Variants in POMC observed in about 807,000 individuals in gnomAD.
POMC encodes the protein proopiomelanocortin.
Under a neutral mutation model 18.5 loss-of-function variants are expected in POMC, and 19 were observed. The ratio of observed to expected loss-of-function variants is 1.03; its 90% confidence interval spans 0.72 to 1.51. The LOEUF is 1.51. Ranked by LOEUF, POMC falls within the 40% of genes most tolerant of loss-of-function variation. The pLI, the probability that POMC is intolerant of heterozygous loss-of-function variation, is 0.00. For missense variants in POMC, 451 were observed against 379.0 expected, an observed-to-expected ratio of 1.19 and a Z score of -1.58; for synonymous variants, 179 against 161.9, an observed-to-expected ratio of 1.11 and a Z score of -0.80.
In POMC at chr2:25,161,882, G is replaced by A; in HGVS notation, c.133-130C>T. ...GAGGACACAGGGCACAGTGTCGGGC[G>A]TGTCAAGCGTCGAGGCCTCCCTACA... On this transcript the variant is annotated intron_variant, in intron 2 of 2. Transcript: ENST00000395826. The surrounding 1 kb of genome is among the most constrained non-coding windows in gnomAD (Gnocchi z 5.7). 2 of 1,411,670 alleles carry A rather than the reference G, an allele frequency of 1.4e-6. No homozygotes were observed. The highest frequency in any genetic ancestry group is 2.6e-4 in the Middle Eastern group (1 of 3,834). 87.4% of individuals were successfully genotyped at this position (1,411,670 alleles called of 1,614,324 possible). A position where few individuals can be genotyped will look rare whatever the true frequency, so the allele number is the denominator to read the frequency against.
Position 25,161,888 on chromosome 2 carries a change from A to C in POMC, c.133-136T>G. On this transcript the variant is annotated intron_variant, in intron 2 of 2. Transcript: ENST00000395826. This position sits in a 1 kb window ranked among gnomAD's most constrained non-coding sequence, Gnocchi z 5.7. Reference sequence around the variant, plus strand: ...ACAGGGCACAGTGTCGGGCGTGTCAAGCGTCGAGGCCTCCCTACAGAGCAG... The same window carrying C: ...ACAGGGCACAGTGTCGGGCGTGTCACGCGTCGAGGCCTCCCTACAGAGCAG... The C allele has an allele frequency of 7.1e-7, 1 of 1,401,394 alleles. No individual in the cohort carries two copies. The highest frequency in any genetic ancestry group is 1.5e-5 in the South Asian group (1 of 66,652). 86.8% of individuals were successfully genotyped at this position (1,401,394 alleles called of 1,614,324 possible).
At chr2:25,167,282 C>A (rs553859301) in intron 1 of POMC, among the ~76,000 whole-genome samples, 43 of 152,088 alleles carry the variant, frequency 2.8e-4, no homozygotes, top group South Asian at 2.7e-3. Flanking sequence ...GACACACACA[C>A]AAAAAAAATC....
At position 25,161,894 on chromosome 2, in the gene POMC, G is replaced by A. The variant is rs1671404636; in HGVS notation, c.133-142C>T. On this transcript the variant is annotated intron_variant, in intron 2 of 2. Transcript: ENST00000395826. This position sits in a 1 kb window ranked among gnomAD's most constrained non-coding sequence, Gnocchi z 5.7. ...CACAGTGTCGGGCGTGTCAAGCGTC[G>A]AGGCCTCCCTACAGAGCAGGTCTGC... is the stretch of plus-strand genomic sequence containing the variant. 4 of 1,383,348 alleles carry A rather than the reference G, an allele frequency of 2.9e-6. No individual in the cohort carries two copies. The highest frequency in any genetic ancestry group is 3.8e-6 in the Non-Finnish European group (4 of 1,057,658). The allele number at this position is 1,383,348 out of a possible 1,614,324, so 85.7% of individuals were successfully genotyped here. A position where few individuals can be genotyped will look rare whatever the true frequency, so the allele number is the denominator to read the frequency against.
Position 25,160,998 on chromosome 2 carries a change from G to A in POMC, c.*83C>T. The A allele has an allele frequency of 6.3e-7, 1 of 1,583,854 alleles. No homozygotes were observed. On this transcript the variant is annotated 3_prime_UTR_variant, in exon 3 of 3. Coordinates refer to ENST00000395826, the MANE Select transcript of POMC (RefSeq NM_000939.4). ...TATCTGCCACGACCCCCCAGGCTGGGAGGCGGCAGCAGGGCAGGGGAGAGC... is the reference window on the plus strand; with the variant it reads ...TATCTGCCACGACCCCCCAGGCTGGAAGGCGGCAGCAGGGCAGGGGAGAGC...
chr2:25,161,719 C>T lies in POMC; in HGVS notation c.166G>A (p.Ala56Thr), dbSNP rs1671392432. 1.3e-6 allele frequency: 2 copies of T among 1,593,360 alleles called. No individual in the cohort carries two copies. Among genetic ancestry groups the T allele is most frequent in the Non-Finnish European group, 1.7e-6 (2 of 1,171,052 alleles). The change falls in exon 3 of 3, where the codon GCC becomes ACC. Residue 56 changes from alanine (A) to threonine (T), a missense_variant. Transcript: ENST00000395826. This position sits in a 1 kb window ranked among gnomAD's most constrained non-coding sequence, Gnocchi z 5.7. ...CIRACKPDLS[A>T]ETPMFPGNGD... is the part of the protein sequence containing the mutation. ...TTTCCCGGGAACATGGGAGTCTCGG[C>T]CGAGAGGTCGGGCTTGCAGGCCCGG...
chr2:25,162,428 G>A (rs947453462), intron 2 of POMC, among the ~76,000 whole-genome samples: 4 of 152,050 alleles, frequency 2.6e-5, no homozygotes, highest in Non-Finnish European at 2.9e-5. Context: ...CCACACTCCA[G>A]CCAGGGCAAC....
At position 25,161,309 on chromosome 2, in the gene POMC, G is replaced by T; in HGVS notation, c.576C>A (p.Asp192Glu). ...CCCCTGCGCCGTCATCGGCAGGGCCGTCGGGGCCATCTCCCTCCCGGAGTC... is the reference window on the plus strand; with the variant it reads ...CCCCTGCGCCGTCATCGGCAGGGCCTTCGGGGCCATCTCCCTCCCGGAGTC... ...GQRLREGDGP[D>E]GPADDGAGAQ... The change falls in exon 3 of 3, where the codon GAC becomes GAA. Residue 192 changes from aspartate (D) to glutamate (E), a missense_variant. Physicochemically the swap from Asp to Glu is conservative, Grantham distance 45 (BLOSUM62 2). Coordinates refer to ENST00000395826, the MANE Select transcript of POMC (RefSeq NM_000939.4). The surrounding 1 kb of genome is among the most constrained non-coding windows in gnomAD (Gnocchi z 5.7). The T allele has an allele frequency of 6.2e-7, 1 of 1,608,754 alleles. No homozygotes were observed. Among genetic ancestry groups the T allele is most frequent in the Non-Finnish European group, 8.5e-7 (1 of 1,177,998 alleles).
In POMC at chr2:25,161,276, G is replaced by C; in HGVS notation, c.609C>G (p.Ala203=). 6.2e-7 allele frequency: 1 copy of C among 1,611,426 alleles called. No individual in the cohort carries two copies. The highest frequency in any genetic ancestry group is 8.5e-7 in the Non-Finnish European group (1 of 1,178,830). ...GPADDGAGAQ[A]DLEHSLLVAA... is the part of the protein sequence containing the mutation. ...CCACCAGCAGGCTGTGCTCCAGGTCGGCCTGGGCCCCTGCGCCGTCATCGG... is the reference window on the plus strand; with the variant it reads ...CCACCAGCAGGCTGTGCTCCAGGTCCGCCTGGGCCCCTGCGCCGTCATCGG... Residue 203 remains alanine (A), a synonymous_variant, in exon 3 of 3, where the codon GCC becomes GCG. Transcript: ENST00000395826. The surrounding 1 kb of genome is among the most constrained non-coding windows in gnomAD (Gnocchi z 5.7).
chr2:25,163,777 C>T (rs372351095), intron 2 of POMC, among the ~76,000 whole-genome samples: 19 of 152,318 alleles, frequency 1.2e-4, no homozygotes, highest in African/African-American at 4.3e-4. Flanking sequence ...GCACATGCCA[C>T]CACATCTGGC....
In POMC at chr2:25,161,324, C is replaced by T. The variant is rs1403150875; in HGVS notation, c.561G>A (p.Glu187=). Residue 187 remains glutamate, a synonymous_variant, in exon 3 of 3, where the codon GAG becomes GAA. Transcript: ENST00000395826. This position sits in a 1 kb window ranked among gnomAD's most constrained non-coding sequence, Gnocchi z 5.7. Reference sequence around the variant, plus strand: ...CGGCAGGGCCGTCGGGGCCATCTCCCTCCCGGAGTCGCTGGCCAGTCAGCT... The same window carrying T: ...CGGCAGGGCCGTCGGGGCCATCTCCTTCCCGGAGTCGCTGGCCAGTCAGCT... ...KRELTGQRLR[E]GDGPDGPADD... is the part of the protein sequence containing the mutation. 1.2e-6 allele frequency: 2 copies of T among 1,606,948 alleles called. No individual in the cohort carries two copies. Among genetic ancestry groups the T allele is most frequent in the South Asian group, 1.1e-5 (1 of 89,864 alleles).
intron 2 of POMC, among the ~76,000 whole-genome samples, chr2:25,164,390 T>A (rs1671486020): frequency 6.6e-6 from 1 of 152,130 alleles, no homozygotes; most frequent in Non-Finnish European, 1.5e-5. Flanking sequence ...AAGGTCTCCA[T>A]AAAAGATGGG....
intron 1 of POMC, among the ~76,000 whole-genome samples, chr2:25,165,190 A>G (rs1671514975): frequency 6.6e-6 from 1 of 152,202 alleles, no homozygotes; most frequent in African/African-American, 2.4e-5. Flanking sequence ...TTCCTATTTC[A>G]CTACATTAAG....
In POMC at chr2:25,164,752, G is replaced by A. The variant is rs1315230964; in HGVS notation, c.21C>T (p.Ser7=). MPRSCC[S]RSGALLLALL... ...AGGCCAGCAACAGGGCCCCCGAGCGGCTGCAGCACGATCTCGGCATCTTCC... is the reference window on the plus strand; with the variant it reads ...AGGCCAGCAACAGGGCCCCCGAGCGACTGCAGCACGATCTCGGCATCTTCC... The change falls in exon 2 of 3, where the codon AGC becomes AGT. Residue 7 remains serine (S), a synonymous_variant. Transcript: ENST00000395826. 2.5e-6 allele frequency: 4 copies of A among 1,613,930 alleles called. No individual in the cohort carries two copies. Among genetic ancestry groups the A allele is most frequent in the Admixed American group, 1.7e-5 (1 of 60,004 alleles).
intron 1 of POMC, among the ~76,000 whole-genome samples, chr2:25,165,988 C>T (rs1326548261): frequency 6.6e-6 from 1 of 152,244 alleles, no homozygotes; most frequent in Non-Finnish European, 1.5e-5. Context: ...CTAATGAACG[C>T]TGGCATTTTA....
At chr2:25,167,257 CAG>C (rs1355136557) in intron 1 of POMC, among the ~76,000 whole-genome samples, 2 of 152,136 alleles carry the variant, frequency 1.3e-5, no homozygotes, top group Non-Finnish European at 2.9e-5. Context: ...ATAATCTGTG[CAG>C]AGTTTATAAA....
At position 25,161,602 on chromosome 2, in the gene POMC, T is replaced by C. The variant is rs550376110; in HGVS notation, c.283A>G (p.Ser95Gly). The C allele has an allele frequency of 5.6e-5, 87 of 1,555,452 alleles. No homozygotes were observed. The African/African-American group carries it at 9.8e-4, about 18-fold the overall frequency. The stretch of plus-strand genomic sequence containing the variant: ...TTCTGCCCTGCGCCGCTGCTGCCGC[T>C]GCTGCTGCTGTTGCGGCGGCCGAAT... Reference protein sequence around the residue: ...DRFGRRNSSSSGSSGAGQKRE... With the variant: ...DRFGRRNSSSGGSSGAGQKRE... The change falls in exon 3 of 3, where the codon AGC (serine) becomes GGC (glycine). Residue 95 changes from serine (S) to glycine (G), a missense_variant. By Grantham distance (56) the Ser-to-Gly change is moderately conservative (BLOSUM62 0). Coordinates refer to ENST00000395826, the MANE Select transcript of POMC (RefSeq NM_000939.4). This position sits in a 1 kb window ranked among gnomAD's most constrained non-coding sequence, Gnocchi z 5.7.
At chr2:25,166,688 G>A (rs1671567383) in intron 1 of POMC, among the ~76,000 whole-genome samples, 1 of 152,150 alleles carries the variant, frequency 6.6e-6, no homozygotes, top group Non-Finnish European at 1.5e-5. Flanking sequence ...TATGTGCTGT[G>A]TTGTACAATG....
At position 25,161,656 on chromosome 2, in the gene POMC, A is replaced by C; in HGVS notation, c.229T>G (p.Tyr77Asp). ...TCCCAGCGGAAGTGGCCCATGACGT[A>C]CTTCCGGGGGTTCTCGGTCAGAGGC... ...EQPLTENPRK[Y>D]VMGHFRWDRF... The change falls in exon 3 of 3, where the codon TAC becomes GAC. Residue 77 changes from tyrosine (Y) to aspartate (D), a missense_variant. By Grantham distance (160) the Tyr-to-Asp change is radical. Transcript: ENST00000395826. The surrounding 1 kb of genome is among the most constrained non-coding windows in gnomAD (Gnocchi z 5.7). 16 of 1,557,766 alleles carry C rather than the reference A, an allele frequency of 1.0e-5. No homozygotes were observed. The highest frequency in any genetic ancestry group is 1.3e-5 in the Non-Finnish European group (15 of 1,151,794).
In POMC at chr2:25,161,588, G is replaced by T. The variant is rs747952934; in HGVS notation, c.297C>A (p.Gly99=). 221 of 1,523,558 alleles carry T rather than the reference G, an allele frequency of 1.5e-4. No individual in the cohort carries two copies. The highest frequency in any genetic ancestry group is 1.9e-4 in the Non-Finnish European group (217 of 1,142,122). 94.4% of individuals were successfully genotyped at this position (1,523,558 alleles called of 1,614,324 possible). The part of the protein sequence containing the change: ...RRNSSSSGSS[G]AGQKREDVSA... The stretch of plus-strand genomic sequence containing the variant: ...AGACGTCCTCGCGCTTCTGCCCTGC[G>T]CCGCTGCTGCCGCTGCTGCTGCTGT... Residue 99 remains glycine, a synonymous_variant, in exon 3 of 3, where the codon GGC becomes GGA. Transcript: ENST00000395826. The surrounding 1 kb of genome is among the most constrained non-coding windows in gnomAD (Gnocchi z 5.7).
Sources: allele counts gnomAD v4.1 joint callset (sites outside exome capture counted in the v4.1 genomes callset), GRCh38; gene constraint gnomAD v4.1.1; non-coding constraint Gnocchi (gnomAD v3.1); transcripts MANE v1.5; gene names NCBI Gene and HGNC (gene_info 2026-07-23, HGNC 2026-07-21).